ANAPC10: variants seen among roughly 807,000 people sequenced by gnomAD.
The protein encoded by ANAPC10 is anaphase-promoting complex subunit 10.
Under a neutral mutation model 22.0 loss-of-function variants are expected in ANAPC10, and 12 were observed. The ratio of observed to expected loss-of-function variants is 0.55; its 90% confidence interval spans 0.35 to 0.88. The LOEUF (loss-of-function observed/expected upper bound fraction) is 0.88, where lower values mean the gene tolerates loss of function less well. Ranked by LOEUF, ANAPC10 falls within the 40% of genes least tolerant of loss-of-function variation. The probability of loss-of-function intolerance (pLI) is 0.01; values close to 1 mark genes in which losing one functional copy is unlikely to be tolerated. For synonymous variants in ANAPC10, 65 were observed against 69.5 expected (o/e 0.94, Z 0.32); for missense variants, 188 against 220.9 (o/e 0.85, Z 0.94).
chr4:145,037,565 C>A (rs1002639777), intron 4 of ANAPC10, among the ~76,000 whole-genome samples: 1 of 152,020 alleles, frequency 6.6e-6, no homozygotes, highest in Non-Finnish European at 1.5e-5. Flanking sequence ...CAGGTGGGGG[C>A]ATCATAAATT....
intron 4 of ANAPC10, among the ~76,000 whole-genome samples, chr4:145,054,426 C>T (rs1049188961): frequency 6.6e-6 from 1 of 150,860 alleles, no homozygotes; most frequent in African/African-American, 2.4e-5. Flanking sequence ...GGCATGGTGG[C>T]AGGCGCCTGT....
At chr4:145,019,238 A>G (rs756763420) in intron 4 of ANAPC10, among the ~76,000 whole-genome samples, 1 of 152,234 alleles carries the variant, frequency 6.6e-6, no homozygotes, top group African/African-American at 2.4e-5. Flanking sequence ...AACTGAAATT[A>G]TATCAAGGAC....
In ANAPC10 at chr4:145,022,083, T is replaced by C. The variant is rs937025053; in HGVS notation, c.328-26480A>G. ...GGAATGTAAACTAGTACAGCCACTA[T>C]GGAAAACAGTATGGAGATTCCTTAA... On this transcript the variant is annotated intron_variant, in intron 4 of 4. Coordinates refer to ENST00000507656, the MANE Select transcript of ANAPC10 (RefSeq NM_001256706.2). 5.3e-5 allele frequency among the ~76,000 whole-genome samples: 8 copies of C among 152,190 alleles called. 1 individual carries two copies. The highest frequency in any genetic ancestry group is 1.0e-4 in the Non-Finnish European group (7 of 68,034).
At chr4:145,026,136 T>C (rs1736623192) in intron 4 of ANAPC10, among the ~76,000 whole-genome samples, 1 of 152,106 alleles carries the variant, frequency 6.6e-6, no homozygotes, top group Non-Finnish European at 1.5e-5. Flanking sequence ...TCACCTCCCA[T>C]CCCTTGCCAC....
intron 4 of ANAPC10, among the ~76,000 whole-genome samples, chr4:145,001,003 T>C (rs1578860394): frequency 6.6e-6 from 1 of 151,754 alleles, no homozygotes; most frequent in Admixed American, 6.6e-5. Flanking sequence ...ATGAGAACAC[T>C]TGGACACAGG....
intron 4 of ANAPC10, among the ~76,000 whole-genome samples, chr4:145,004,986 T>C (rs1733128874): frequency 6.6e-6 from 1 of 152,190 alleles, no homozygotes; most frequent in African/African-American, 2.4e-5. Context: ...TCCTGGTTGG[T>C]AGGCTTTTTA....
At chr4:145,031,143 A>G (rs1036808881) in intron 4 of ANAPC10, among the ~76,000 whole-genome samples, 1 of 152,168 alleles carries the variant, frequency 6.6e-6, no homozygotes, top group Admixed American at 6.5e-5. Context: ...TTACTGTCCT[A>G]CCTCACGGGT....
intron 3 of ANAPC10, among the ~76,000 whole-genome samples, chr4:145,078,857 A>T (rs1034459308): frequency 6.6e-6 from 1 of 152,142 alleles, no homozygotes; most frequent in Non-Finnish European, 1.5e-5. Flanking sequence ...CCTCCCTTTC[A>T]CCATATACAA....
chr4:145,028,792 T>A (rs761922242), intron 4 of ANAPC10, among the ~76,000 whole-genome samples: 3 of 152,214 alleles, frequency 2.0e-5, no homozygotes, highest in African/African-American at 7.2e-5. Context: ...TTTGACCATA[T>A]GTGGAGAACC....
At chr4:145,067,202 C>T (rs1743831049) in intron 3 of ANAPC10, among the ~76,000 whole-genome samples, 2 of 152,032 alleles carry the variant, frequency 1.3e-5, no homozygotes, top group African/African-American at 4.8e-5. Flanking sequence ...TGCTATGTTT[C>T]AAATAGCAAT....
At chr4:145,093,646 G>C (rs372675173) in intron 2 of ANAPC10, among the ~76,000 whole-genome samples, 1 of 150,816 alleles carries the variant, frequency 6.6e-6, no homozygotes, top group Non-Finnish European at 1.5e-5. Flanking sequence ...AAAATTCTAC[G>C]AGTCAAATGG....
chr4:145,090,854 T>C (rs1747569642), intron 2 of ANAPC10, among the ~76,000 whole-genome samples: 1 of 152,232 alleles, frequency 6.6e-6, no homozygotes, highest in African/African-American at 2.4e-5. Context: ...TGTGAAGTCC[T>C]TGACAGTAAA....
At chr4:145,060,633 A>C (rs1742746740) in intron 4 of ANAPC10, among the ~76,000 whole-genome samples, 1 of 152,076 alleles carries the variant, frequency 6.6e-6, no homozygotes, top group Non-Finnish European at 1.5e-5. Flanking sequence ...TACACCCTCC[A>C]GTGGGCAAAC....
chr4:145,048,287 C>A lies in ANAPC10; in HGVS notation c.327+16285G>T, dbSNP rs147024465. 4.2e-3 allele frequency among the ~76,000 whole-genome samples: 642 copies of A among 152,174 alleles called. 7 individuals carry two copies. The highest frequency in any genetic ancestry group is 0.015 in the African/African-American group (607 of 41,538). ...AGACAGGTAATGTCCTTGTGCTAAC[C>A]AAAGCCATCAAAGATTTGTGGGCCC... On this transcript the variant is annotated intron_variant, in intron 4 of 4. Coordinates refer to ENST00000507656, the MANE Select transcript of ANAPC10 (RefSeq NM_001256706.2).
At chr4:145,054,156 T>C (rs1416850049) in intron 4 of ANAPC10, among the ~76,000 whole-genome samples, 4 of 151,014 alleles carry the variant, frequency 2.6e-5, no homozygotes, top group Non-Finnish European at 4.4e-5. Flanking sequence ...ATCTGCCCGC[T>C]GCGGCCTCCC....
At chr4:145,082,816 A>C (rs1269144253) in intron 2 of ANAPC10, among the ~76,000 whole-genome samples, 1 of 152,174 alleles carries the variant, frequency 6.6e-6, no homozygotes, top group African/African-American at 2.4e-5. Flanking sequence ...CAGACTTTTT[A>C]ATAAGAGAAA....
chr4:145,056,218 A>C (rs764003470), intron 4 of ANAPC10, among the ~76,000 whole-genome samples: 9 of 152,214 alleles, frequency 5.9e-5, no homozygotes, highest in Non-Finnish European at 1.0e-4. Context: ...GGCTGCAGTA[A>C]AGAAGCTGGC....
Position 144,995,577 on chromosome 4 carries a change from G to A in ANAPC10, c.354C>T (p.Gly118=), listed in dbSNP as rs1039844477. The part of the protein sequence containing the change: ...IRQLELVEPS[G]WIHVPLTDNH... ...TGTCAGTTAAGGGAACATGAATCCAGCCACTTGGTTCCACCAACTCAAGTT... is the reference window on the plus strand; with the variant it reads ...TGTCAGTTAAGGGAACATGAATCCAACCACTTGGTTCCACCAACTCAAGTT... Residue 118 remains glycine, a synonymous_variant, in exon 5 of 5, where the codon GGC becomes GGT. Transcript: ENST00000507656. The A allele has an allele frequency of 3.7e-6, 6 of 1,612,020 alleles. No individual in the cohort carries two copies. The African/African-American group carries it at 8.0e-5, about 22-fold the overall frequency.
intron 4 of ANAPC10, among the ~76,000 whole-genome samples, chr4:145,044,539 A>T (rs1042979860): frequency 2.0e-5 from 3 of 152,044 alleles, no homozygotes; most frequent in Non-Finnish European, 4.4e-5. Context: ...GCATTCCAGG[A>T]CAGTTACAGG....
Sources: allele counts gnomAD v4.1 joint callset (sites outside exome capture counted in the v4.1 genomes callset), GRCh38; gene constraint gnomAD v4.1.1; transcripts MANE v1.5; gene names NCBI Gene and HGNC (gene_info 2026-07-23, HGNC 2026-07-21).